NXPE2: variants seen among roughly 807,000 people sequenced by gnomAD.
NXPE2 encodes neurexophilin and PC-esterase domain family member 2.
NXPE2 carries 34 observed loss-of-function variants against 34.4 expected under a neutral mutation model. The observed-to-expected ratio is 0.99, with a 90% confidence interval of 0.75 to 1.31. The LOEUF (loss-of-function observed/expected upper bound fraction) is 1.31. NXPE2 is among the 40% of genes most tolerant of loss of function. The pLI, the probability that NXPE2 is intolerant of heterozygous loss-of-function variation, is 0.00. For missense variants in NXPE2, 649 were observed against 672.5 expected (o/e 0.97, Z 0.39); for synonymous variants, 235 against 231.3 (o/e 1.02, Z -0.15).
chr11:114,722,468 G>A, the NXPE2 span, among the ~76,000 whole-genome samples: 1 of 151,436 alleles, frequency 6.6e-6, no homozygotes, highest in African/African-American at 2.4e-5. Context: ...TTATAGCAAC[G>A]TGAAAATGAA....
chr11:114,628,689 A>C, the NXPE2 span, among the ~76,000 whole-genome samples: 13 of 23,276 alleles, frequency 5.6e-4, no homozygotes, highest in Admixed American at 5.8e-4. Context: ...ACTGAAGGAA[A>C]TAGAGACACA....
chr11:114,510,136 A>G, the NXPE2 span, among the ~76,000 whole-genome samples: 2 of 152,240 alleles, frequency 1.3e-5, no homozygotes, highest in Non-Finnish European at 2.9e-5. Context: ...ATAAATCTAA[A>G]ATTCTAAACC....
chr11:114,590,020 C>A, the NXPE2 span, among the ~76,000 whole-genome samples: 1 of 152,210 alleles, frequency 6.6e-6, no homozygotes, highest in African/African-American at 2.4e-5. Context: ...TCCTGACTCT[C>A]AATACCTGTT....
chr11:114,632,577 T>C, the NXPE2 span, among the ~76,000 whole-genome samples: 10 of 112,374 alleles, frequency 8.9e-5, no homozygotes, highest in Non-Finnish European at 1.2e-4. Context: ...ACATATATCA[T>C]ATATTTATTG....
chr11:114,607,625 G>GATA, the NXPE2 span, among the ~76,000 whole-genome samples: 4 of 151,718 alleles, frequency 2.6e-5, no homozygotes, highest in African/African-American at 9.7e-5. Flanking sequence ...TTACCCGGTG[G>GATA]ATAAGTGTTG....
the NXPE2 span, chr11:114,551,081 A>C: frequency 1.5e-6 from 2 of 1,301,416 alleles, no homozygotes; most frequent in South Asian, 1.3e-5. Context: ...TGTGATCTGC[A>C]TCAAAGGTGA....
At chr11:114,591,334 C>T in the NXPE2 span, among the ~76,000 whole-genome samples, 1 of 152,160 alleles carries the variant, frequency 6.6e-6, no homozygotes, top group Non-Finnish European at 1.5e-5. Flanking sequence ...AAGACACTTT[C>T]TTACTACTAA....
At chr11:114,801,387 G>A in the NXPE2 span, among the ~76,000 whole-genome samples, 1 of 152,230 alleles carries the variant, frequency 6.6e-6, no homozygotes, top group Non-Finnish European at 1.5e-5. Flanking sequence ...AAATTTGACA[G>A]TTTCAAGGAA....
the NXPE2 span, among the ~76,000 whole-genome samples, chr11:114,759,963 G>T: frequency 6.6e-6 from 1 of 152,080 alleles, no homozygotes; most frequent in Non-Finnish European, 1.5e-5. Context: ...TGGGGTCTAT[G>T]CTTAACACAA....
At chr11:114,717,699 C>T in the NXPE2 span, among the ~76,000 whole-genome samples, 1 of 152,266 alleles carries the variant, frequency 6.6e-6, no homozygotes, top group African/African-American at 2.4e-5. Context: ...CTACACAGTT[C>T]CTGGTACACA....
At chr11:114,707,332 G>A (rs1951495811), downstream of NXPE2, 2 of 342,300 alleles carry the variant, frequency 5.8e-6, no homozygotes, top group South Asian at 2.1e-5. Context: ...CTGACCTTAG[G>A]TGATCTGCCC....
the NXPE2 span, among the ~76,000 whole-genome samples, chr11:114,792,744 C>T: frequency 1.3e-5 from 2 of 152,116 alleles, no homozygotes; most frequent in East Asian, 1.9e-4. Context: ...TGCAAATCCT[C>T]TTATATCAAT....
chr11:114,468,502 T>A, the NXPE2 span, among the ~76,000 whole-genome samples: 1 of 152,206 alleles, frequency 6.6e-6, no homozygotes, highest in Non-Finnish European at 1.5e-5. Flanking sequence ...TAGGTAGCCT[T>A]TATTACCTCC....
the NXPE2 span, among the ~76,000 whole-genome samples, chr11:114,720,525 A>G: frequency 1.3e-5 from 2 of 152,220 alleles, no homozygotes; most frequent in Admixed American, 1.3e-4. Flanking sequence ...GCAGTGTCCA[A>G]TTCAGTAGCC....
chr11:114,468,364 AAGT>A, the NXPE2 span, among the ~76,000 whole-genome samples: 2 of 152,138 alleles, frequency 1.3e-5, no homozygotes, highest in Admixed American at 1.3e-4. Flanking sequence ...TGGCCACATC[AAGT>A]AGTAGTCTGT....
chr11:114,639,364 G>A, the NXPE2 span, among the ~76,000 whole-genome samples: 3,216 of 150,976 alleles, frequency 0.021, 103 homozygotes, highest in African/African-American at 0.073. Context: ...TCCAGGTGCC[G>A]TCTGTTACCC....
the NXPE2 span, among the ~76,000 whole-genome samples, chr11:114,782,175 T>C: frequency 3.3e-5 from 5 of 152,350 alleles, no homozygotes; most frequent in South Asian, 8.3e-4. Flanking sequence ...AGGTTCAGTA[T>C]AGACACATTT....
the NXPE2 span, among the ~76,000 whole-genome samples, chr11:114,588,772 G>A: frequency 1.9e-4 from 29 of 152,274 alleles, no homozygotes; most frequent in African/African-American, 5.8e-4. Context: ...GAATCCCACA[G>A]CCTTTATGGA....
At chr11:114,522,778 G>A in the NXPE2 span, 1 of 815,820 alleles carries the variant, frequency 1.2e-6, no homozygotes, top group Non-Finnish European at 2.0e-6. Context: ...AGAGCCAAAT[G>A]AAGTAAAAAA....
Sources: gnomAD v4.1 joint callset for allele counts (sites outside exome capture counted in the v4.1 genomes callset) on GRCh38, gnomAD v4.1.1 for gene constraint, MANE v1.5 for transcripts, NCBI Gene and HGNC (gene_info 2026-07-23, HGNC 2026-07-21) for gene names.